The following KCNK2 variants were observed in gnomAD, a reference collection of about 807,000 sequenced individuals.
The protein encoded by KCNK2 is potassium two pore domain channel subfamily K member 2.
A neutral mutation model predicts 40.5 loss-of-function variants in KCNK2; 21 were observed. The ratio of observed to expected loss-of-function variants is 0.52; its 90% CI spans 0.37 to 0.75. The LOEUF is 0.75. Ranked by LOEUF, KCNK2 falls within the 30% of genes least tolerant of loss-of-function variation. The pLI is 0.00. For synonymous variants in KCNK2, 191 were observed against 202.2 expected (o/e 0.94, Z 0.47); for missense variants, 399 against 531.6 (o/e 0.75, Z 2.45).
At chr1:215,195,517 T>C (rs1056138630) in intron 6 of KCNK2, among the ~76,000 whole-genome samples, 3 of 152,050 alleles carry the variant, frequency 2.0e-5, no homozygotes, top group African/African-American at 7.2e-5. Flanking sequence ...ACCTTTAACT[T>C]ATTTTATTTT....
At chr1:215,102,473 T>A (rs889752003) in intron 2 of KCNK2, among the ~76,000 whole-genome samples, 4 of 151,994 alleles carry the variant, frequency 2.6e-5, no homozygotes, top group South Asian at 2.1e-4. Flanking sequence ...TTAAAAAAAA[T>A]TTTAAAGTTT....
intron 1 of KCNK2, among the ~76,000 whole-genome samples, chr1:215,044,154 A>G (rs1327474132): frequency 1.3e-5 from 2 of 152,192 alleles, no homozygotes; most frequent in Admixed American, 1.3e-4. Context: ...AGAACCATAT[A>G]CTTTAATGTG....
intron 2 of KCNK2, among the ~76,000 whole-genome samples, chr1:215,094,304 C>T (rs1256546524): frequency 6.6e-6 from 1 of 151,932 alleles, no homozygotes; most frequent in East Asian, 1.9e-4. Flanking sequence ...CCCATAAATA[C>T]TTTCTGTCCT....
At chr1:215,067,322 T>G (rs898361318) in intron 1 of KCNK2, among the ~76,000 whole-genome samples, 8 of 152,142 alleles carry the variant, frequency 5.3e-5, no homozygotes, top group African/African-American at 1.9e-4. Flanking sequence ...ATATATATAA[T>G]TTTTTAAAAA....
intron 2 of KCNK2, among the ~76,000 whole-genome samples, chr1:215,114,047 C>T (rs1455825315): frequency 6.6e-6 from 1 of 152,112 alleles, no homozygotes; most frequent in Non-Finnish European, 1.5e-5. Context: ...TGACTTTTGA[C>T]TTTTCTCTTT....
chr1:215,012,527 A>G (rs1656439616), intron 1 of KCNK2, among the ~76,000 whole-genome samples: 1 of 151,676 alleles, frequency 6.6e-6, no homozygotes, highest in African/African-American at 2.4e-5. Flanking sequence ...GATTGGAGTG[A>G]AGTGAACAAT....
intron 3 of KCNK2, among the ~76,000 whole-genome samples, chr1:215,133,901 CA>C (rs1558106348): frequency 1.3e-5 from 2 of 152,036 alleles, no homozygotes; most frequent in Admixed American, 1.3e-4. Context: ...ACAGGTTATC[CA>C]AAAATGCACA....
chr1:215,091,369 T>G (rs1234860087), intron 2 of KCNK2, among the ~76,000 whole-genome samples: 2 of 152,124 alleles, frequency 1.3e-5, no homozygotes, highest in Non-Finnish European at 2.9e-5. Context: ...GGCCTACTCC[T>G]CCACTTGGTG....
chr1:215,055,912 TAC>T (rs1373590238), intron 1 of KCNK2, among the ~76,000 whole-genome samples: 1 of 152,234 alleles, frequency 6.6e-6, no homozygotes, highest in Non-Finnish European at 1.5e-5. Context: ...CTCTTTTATG[TAC>T]AATGGCTTGT....
intron 1 of KCNK2, among the ~76,000 whole-genome samples, chr1:215,075,632 T>C (rs1422052573): frequency 6.6e-6 from 1 of 152,240 alleles, no homozygotes; most frequent in Non-Finnish European, 1.5e-5. Context: ...AAAAAATTTG[T>C]AATGCTGTTG....
intron 1 of KCNK2, among the ~76,000 whole-genome samples, chr1:215,014,355 A>G (rs1656509787): frequency 6.6e-6 from 1 of 151,786 alleles, no homozygotes; most frequent in Non-Finnish European, 1.5e-5. Context: ...CATGAGAGGC[A>G]TTCATCCATA....
In KCNK2 at chr1:215,212,994, A is replaced by C. The variant is rs1665800936; in HGVS notation, c.963+17902A>C. 2.0e-5 allele frequency among the ~76,000 whole-genome samples: 3 copies of C among 152,330 alleles called. No homozygotes were observed. In the South Asian group the frequency reaches 6.2e-4, roughly 32 times the overall value. ...ATTAGTGCTGCATTAAGGACTACAC[A>C]TAAAACAAGTCAGTATGTTTTCTCA... On this transcript the variant is annotated intron_variant, in intron 6 of 6. Coordinates refer to ENST00000444842, the MANE Select transcript of KCNK2 (RefSeq NM_001017425.3).
At chr1:215,103,049 G>C (rs761717381) in intron 2 of KCNK2, among the ~76,000 whole-genome samples, 1 of 151,942 alleles carries the variant, frequency 6.6e-6, no homozygotes, top group African/African-American at 2.4e-5. Flanking sequence ...GTTTGGTGAA[G>C]AATTTTCGAG....
chr1:215,167,965 C>T (rs1344766298), intron 3 of KCNK2, among the ~76,000 whole-genome samples: 1 of 152,084 alleles, frequency 6.6e-6, no homozygotes, highest in South Asian at 2.1e-4. Flanking sequence ...TTTTTGCAAT[C>T]TACCCATCTA....
intron 1 of KCNK2, among the ~76,000 whole-genome samples, chr1:215,069,536 T>TG (rs1658675281): frequency 6.6e-6 from 1 of 152,206 alleles, no homozygotes; most frequent in Admixed American, 6.5e-5. Context: ...CTTTCCATGG[T>TG]TCAGTGCTGA....
At chr1:215,106,020 G>T (rs111814291) in intron 2 of KCNK2, among the ~76,000 whole-genome samples, 158 of 151,980 alleles carry the variant, frequency 1.0e-3, no homozygotes, top group African/African-American at 3.8e-3. Context: ...TGATTACATG[G>T]CTTTGCTGTG....
At chr1:215,023,523 A>G (rs1354102285) in intron 1 of KCNK2, among the ~76,000 whole-genome samples, 1 of 152,212 alleles carries the variant, frequency 6.6e-6, no homozygotes, top group Non-Finnish European at 1.5e-5. Flanking sequence ...ATTTTACATT[A>G]AATCACTGGA....
chr1:215,135,638 T>C (rs1661872119), intron 3 of KCNK2, among the ~76,000 whole-genome samples: 1 of 152,058 alleles, frequency 6.6e-6, no homozygotes, highest in African/African-American at 2.4e-5. Flanking sequence ...AAACCAGTTA[T>C]TCCCACAAGA....
intron 1 of KCNK2, among the ~76,000 whole-genome samples, chr1:215,029,479 T>TTC (rs60533825): frequency 0.32 from 46,772 of 147,934 alleles, 7,977 homozygotes; most frequent in South Asian, 0.7. Context: ...CTGAATAATA[T>TTC]TGTTACTTAA....
Sources: allele counts gnomAD v4.1 joint callset (sites outside exome capture counted in the v4.1 genomes callset), GRCh38; gene constraint gnomAD v4.1.1; transcripts MANE v1.5; gene names NCBI Gene and HGNC (gene_info 2026-07-23, HGNC 2026-07-21).